Variants in COL28A1 observed in about 807,000 individuals in gnomAD.
COL28A1 encodes the protein collagen alpha-1(XXVIII) chain.
A neutral mutation model predicts 150.2 loss-of-function variants in COL28A1; 161 were observed. The observed-to-expected ratio is 1.07, with a 90% CI of 0.94 to 1.22. The LOEUF (loss-of-function observed/expected upper bound fraction) is 1.22. COL28A1 is among the 50% of genes most tolerant of loss of function. The pLI is 0.00. For synonymous variants in COL28A1, 552 were observed against 469.7 expected (o/e 1.18, Z -2.26); for missense variants, 1,617 against 1,388.3 (o/e 1.16, Z -2.62).
upstream of COL28A1, among the ~76,000 whole-genome samples, chr7:7,537,478 T>C (rs1321751082): frequency 6.6e-6 from 1 of 152,162 alleles, no homozygotes; most frequent in Non-Finnish European, 1.5e-5. Context: ...CCCTTGTACT[T>C]AGTAGATGTT....
At chr7:7,391,533 G>C (rs111915557) in intron 27 of COL28A1, among the ~76,000 whole-genome samples, 3 of 152,230 alleles carry the variant, frequency 2.0e-5, no homozygotes, top group African/African-American at 7.2e-5. Context: ...AAATATCCTT[G>C]TTAATTTTCT....
chr7:7,431,778 C>A (rs1426610210), intron 25 of COL28A1: 1 of 306,696 alleles, frequency 3.3e-6, no homozygotes, highest in Non-Finnish European at 6.9e-6. Context: ...AATGAAGAGG[C>A]TATTTTTACA....
chr7:7,535,997 T>C (rs889027280), upstream of COL28A1: 3 of 152,218 alleles, frequency 2.0e-5, no homozygotes, highest in Non-Finnish European at 4.4e-5. Context: ...AGGAACAGTG[T>C]CCTTTCAGAA....
intron 11 of COL28A1, among the ~76,000 whole-genome samples, 174 bp from the exon 12 acceptor site, chr7:7,490,820 G>T (rs1259862689): frequency 6.6e-6 from 1 of 152,074 alleles, no homozygotes; most frequent in African/African-American, 2.4e-5. Flanking sequence ...ACAGACCCAA[G>T]ATCAAATTAT....
In COL28A1 at chr7:7,437,384, G is replaced by A. The variant is rs775339499; in HGVS notation, c.1791+10C>T. On this transcript the variant is annotated intron_variant, in intron 22 of 34. Coordinates refer to ENST00000399429, the MANE Select transcript of COL28A1 (RefSeq NM_001037763.3). ...TCAAGAAAAAGAAAATAATCTCCAA[G>A]AATATATACCTTTGGCCCAGGTGGT... The A allele has an allele frequency of 1.2e-6, 2 of 1,605,126 alleles. No homozygotes were observed. Among genetic ancestry groups the A allele is most frequent in the East Asian group, 2.2e-5 (1 of 44,770 alleles).
intron 18 of COL28A1, among the ~76,000 whole-genome samples, chr7:7,448,234 T>C (rs578252505): frequency 6.6e-6 from 1 of 152,118 alleles, no homozygotes; most frequent in East Asian, 1.9e-4. Flanking sequence ...ACAAGAAACA[T>C]ATCTAAGGCA....
In COL28A1 at chr7:7,531,679, A is replaced by T. The variant is rs1471284187; in HGVS notation, c.350T>A (p.Phe117Tyr). The change falls in exon 3 of 35, where the codon TTT (phenylalanine) becomes TAT (tyrosine). Residue 117 changes from phenylalanine (F) to tyrosine (Y), a missense_variant. Transcript: ENST00000399429. ...ATTCATAGACTTGACCTTCTGCTTA[A>T]ATGTCTGCAGGTCCTTCCAGGAAGA... The part of the protein sequence containing the change: ...PFSSWKDLQT[F>Y]KQKVKSMNLI... The T allele has an allele frequency of 6.3e-7, 1 of 1,590,058 alleles. No individual in the cohort carries two copies. Among genetic ancestry groups the T allele is most frequent in the African/African-American group, 1.3e-5 (1 of 74,376 alleles).
At chr7:7,416,928 C>T (rs1279881771) in intron 27 of COL28A1, among the ~76,000 whole-genome samples, 1 of 152,092 alleles carries the variant, frequency 6.6e-6, no homozygotes, top group African/African-American at 2.4e-5. Flanking sequence ...AATGTTCCCA[C>T]AGTTTTAGAA....
chr7:7,437,987 C>CA (rs55637467), intron 21 of COL28A1, among the ~76,000 whole-genome samples: 28,302 of 151,914 alleles, frequency 0.19, 3,313 homozygotes, highest in African/African-American at 0.33. Flanking sequence ...GTAATCCCAG[C>CA]CTTTGGGAGG....
At chr7:7,371,982 G>A (rs1178870948) in intron 32 of COL28A1, among the ~76,000 whole-genome samples, 1 of 151,800 alleles carries the variant, frequency 6.6e-6, no homozygotes, top group Admixed American at 6.6e-5. Context: ...ACAGGCACAC[G>A]CCACCATGCC....
At chr7:7,463,092 A>C (rs1787770145) in intron 15 of COL28A1, among the ~76,000 whole-genome samples, 1 of 152,048 alleles carries the variant, frequency 6.6e-6, no homozygotes, top group African/African-American at 2.4e-5. Flanking sequence ...GAAATCTAAA[A>C]GTTTGAAAAA....
intron 27 of COL28A1, among the ~76,000 whole-genome samples, chr7:7,407,834 TA>T (rs1203060864): frequency 2.0e-5 from 3 of 152,080 alleles, no homozygotes; most frequent in Non-Finnish European, 2.9e-5. Context: ...GATTAAAATG[TA>T]AAACAACAAT....
the COL28A1 span, among the ~76,000 whole-genome samples, chr7:7,338,790 T>C: frequency 6.6e-6 from 1 of 152,134 alleles, no homozygotes; most frequent in Non-Finnish European, 1.5e-5. Flanking sequence ...AATCCCCTTC[T>C]CTTTAAGCTG....
At chr7:7,461,528 A>G (rs996243580) in intron 15 of COL28A1, among the ~76,000 whole-genome samples, 5 of 151,952 alleles carry the variant, frequency 3.3e-5, no homozygotes, top group Non-Finnish European at 7.4e-5. Context: ...CTGGAAACAG[A>G]CTCAGTGTTG....
chr7:7,474,926 A>G (rs1788742267), intron 14 of COL28A1, among the ~76,000 whole-genome samples: 1 of 152,196 alleles, frequency 6.6e-6, no homozygotes, highest in Non-Finnish European at 1.5e-5. Flanking sequence ...GTTAGAAAAG[A>G]GCTCAGTTCC....
intron 25 of COL28A1, among the ~76,000 whole-genome samples, chr7:7,429,881 C>T (rs1168151297): frequency 6.6e-6 from 1 of 152,142 alleles, no homozygotes; most frequent in Non-Finnish European, 1.5e-5. Flanking sequence ...TCCGCGTGGG[C>T]TCACTCAGAC....
intron 27 of COL28A1, among the ~76,000 whole-genome samples, chr7:7,408,374 C>G (rs1472011749): frequency 1.3e-5 from 2 of 152,040 alleles, no homozygotes; most frequent in African/African-American, 4.8e-5. Context: ...CCCCTCACTT[C>G]TTATAATTAA....
At chr7:7,422,727 C>T (rs1363011303) in intron 25 of COL28A1, among the ~76,000 whole-genome samples, 3 of 152,036 alleles carry the variant, frequency 2.0e-5, no homozygotes, top group Non-Finnish European at 4.4e-5. Flanking sequence ...AATATTCTGG[C>T]CTAGAAAAAA....
At chr7:7,511,952 C>G (rs999384663) in intron 8 of COL28A1, 1 of 325,288 alleles carries the variant, frequency 3.1e-6, no homozygotes, top group African/African-American at 2.2e-5. Context: ...AAATATTAAT[C>G]CAATTTTATA....
Sources: gnomAD v4.1 joint callset for allele counts (sites outside exome capture counted in the v4.1 genomes callset) on GRCh38, gnomAD v4.1.1 for gene constraint, MANE v1.5 for transcripts, NCBI Gene and HGNC (gene_info 2026-07-23, HGNC 2026-07-21) for gene names.